The following QSOX2 variants were observed in gnomAD, a reference collection of about 807,000 sequenced individuals.
QSOX2 encodes quiescin sulfhydryl oxidase 2.
Under a neutral mutation model 61.7 loss-of-function variants are expected in QSOX2, and 46 were observed. That is an observed-to-expected ratio of 0.75 (90% CI 0.59 to 0.95). The LOEUF is 0.95. Among genes scored for constraint, QSOX2 ranks in the 40% least tolerant of loss-of-function variants. The probability of loss-of-function intolerance (pLI) is 0.00; values close to 1 mark genes in which losing one functional copy is unlikely to be tolerated. For missense variants in QSOX2, 879 were observed against 918.9 expected (o/e 0.96, Z 0.56); for synonymous variants, 383 against 388.4 (o/e 0.99, Z 0.16).
intron 3 of QSOX2, 54 bp downstream of exon 3, chr9:136,224,807 A>C: frequency 1.5e-6 from 2 of 1,295,586 alleles, no homozygotes; most frequent in Non-Finnish European, 2.2e-6. Flanking sequence ...GTGTGTCTTT[A>C]GCAGGTTTAT....
chr9:136,212,483 C>T (rs1042979133), intron 10 of QSOX2, among the ~76,000 whole-genome samples: 16 of 152,258 alleles, frequency 1.1e-4, no homozygotes, highest in Admixed American at 6.5e-5. Flanking sequence ...GCGTCCTGGT[C>T]GGTCCCAAAT....
At chr9:136,220,310 T>A (rs1336628317) in intron 6 of QSOX2, among the ~76,000 whole-genome samples, 1 of 152,238 alleles carries the variant, frequency 6.6e-6, no homozygotes, top group African/African-American at 2.4e-5. Context: ...ATTACAGGTG[T>A]GAGCCTGGCC....
At chr9:136,239,042 GGCCAT>G (rs1830413963) in intron 1 of QSOX2, among the ~76,000 whole-genome samples, 1 of 152,216 alleles carries the variant, frequency 6.6e-6, no homozygotes, top group Non-Finnish European at 1.5e-5. Context: ...CCTCTGTGCT[GGCCAT>G]GCCCCTGGCA....
chr9:136,245,291 C>A (rs1295743387), intron 1 of QSOX2, among the ~76,000 whole-genome samples, 185 bp downstream of exon 1: 4 of 152,198 alleles, frequency 2.6e-5, no homozygotes, highest in Non-Finnish European at 5.9e-5. Flanking sequence ...GGCTTAGTCT[C>A]CCGCCCCTGG....
At chr9:136,242,136 G>A (rs1830438108) in intron 1 of QSOX2, among the ~76,000 whole-genome samples, 1 of 152,238 alleles carries the variant, frequency 6.6e-6, no homozygotes, top group Non-Finnish European at 1.5e-5. Context: ...ACAAACACTA[G>A]AATGACACTT....
intron 11 of QSOX2, chr9:136,211,024 G>T: frequency 1.8e-6 from 1 of 560,100 alleles, no homozygotes. Flanking sequence ...CATTTCCACG[G>T]GGTCGAAGAG....
chr9:136,218,262 G>C (rs1249632990), intron 8 of QSOX2, among the ~76,000 whole-genome samples: 2 of 151,792 alleles, frequency 1.3e-5, no homozygotes, highest in African/African-American at 4.8e-5. Flanking sequence ...AACCTGGCTG[G>C]TGGGGCAGAT....
chr9:136,217,222 G>A (rs1268160895), intron 8 of QSOX2, among the ~76,000 whole-genome samples: 1 of 152,198 alleles, frequency 6.6e-6, no homozygotes, highest in East Asian at 1.9e-4. Flanking sequence ...TGGGCCGTGA[G>A]GCTGGCCGAC....
At position 136,215,228 on chromosome 9, in the gene QSOX2, G is replaced by C. The variant is rs747659197; in HGVS notation, c.1286C>G (p.Pro429Arg). ...QGSRSELRGYPCSLWKLFHTL... is the reference protein window; with the variant it reads ...QGSRSELRGYRCSLWKLFHTL... ...GTGGAACAGTTTCCAGAGAGAACAC[G>C]GGTAACCCCTCAACTCAGATCGGCT... The change falls in exon 10 of 12, where the codon CCG becomes CGG. Residue 429 changes from proline (P) to arginine (R), a missense_variant. By Grantham distance (103) the Pro-to-Arg change is moderately radical (BLOSUM62 -2). Coordinates refer to ENST00000358701, the MANE Select transcript of QSOX2 (RefSeq NM_181701.4). 1 of 1,613,952 alleles carries C rather than the reference G, an allele frequency of 6.2e-7. No homozygotes were observed. The highest frequency in any genetic ancestry group is 8.5e-7 in the Non-Finnish European group (1 of 1,180,022).
chr9:136,239,871 G>A lies in QSOX2; in HGVS notation c.328+5605C>T, dbSNP rs554220674. 2.6e-5 allele frequency among the ~76,000 whole-genome samples: 4 copies of A among 152,366 alleles called. No individual in the cohort carries two copies. The East Asian group carries it at 5.8e-4, about 22-fold the overall frequency. The stretch of plus-strand genomic sequence containing the variant: ...GCGCCAGGAGTACCGGCAAGGACTC[G>A]GCAGATGGACGGTATTCATGGCAAC... On this transcript the variant is annotated intron_variant, in intron 1 of 11. Coordinates refer to ENST00000358701, the MANE Select transcript of QSOX2 (RefSeq NM_181701.4).
intron 1 of QSOX2, among the ~76,000 whole-genome samples, chr9:136,236,685 A>G (rs1299285133): frequency 6.6e-6 from 1 of 150,762 alleles, no homozygotes; most frequent in Non-Finnish European, 1.5e-5. Context: ...TGTGCCAGCG[A>G]CACCTGAAGC....
chr9:136,214,143 GCA>G (rs1213371625), intron 10 of QSOX2, among the ~76,000 whole-genome samples: 2 of 152,172 alleles, frequency 1.3e-5, no homozygotes, highest in Admixed American at 6.5e-5. Context: ...CAACTGGGAA[GCA>G]CACACACAAC....
chr9:136,207,364 TACACACACAC>T lies in QSOX2; in HGVS notation c.*1354_*1363del, dbSNP rs58474709. 1.1e-3 allele frequency: 162 copies of T among 145,130 alleles called. 1 individual carries two copies. The highest frequency in any genetic ancestry group is 3.4e-3 in the South Asian group (15 of 4,434). The allele number at this position is 145,130 out of a possible 1,614,324, so 9.0% of individuals were successfully genotyped here. ...ACCGTCAAAGTCTCTCTCTCTCTCA[TACACACACAC>T]ACACACACACACACACACACACACA... On this transcript the variant is annotated 3_prime_UTR_variant, in exon 12 of 12. Coordinates refer to ENST00000358701, the MANE Select transcript of QSOX2 (RefSeq NM_181701.4).
chr9:136,226,256 G>A lies in QSOX2; in HGVS notation c.429+518C>T, dbSNP rs150326110. Among the ~76,000 whole-genome samples the A allele has an allele frequency of 3.4e-3, 512 of 152,310 alleles. 3 individuals are homozygous for A. Among genetic ancestry groups the A allele is most frequent in the Middle Eastern group, 0.014 (4 of 294 alleles). ...CCGCAGGTACACACATGCTATGCAC[G>A]GGCCTGCAACAGGGTCACAGGTACC... On this transcript the variant is annotated intron_variant, in intron 2 of 11. Coordinates refer to ENST00000358701, the MANE Select transcript of QSOX2 (RefSeq NM_181701.4).
intron 1 of QSOX2, among the ~76,000 whole-genome samples, chr9:136,234,215 G>A (rs111538933): frequency 8.2e-4 from 125 of 152,348 alleles, no homozygotes; most frequent in African/African-American, 2.3e-3. Flanking sequence ...TTCCTTTACT[G>A]TAAGAACACA....
rs1416592390 is a variant in QSOX2 at position 136,222,354 on chromosome 9, C to G, written c.676-413G>C. ...GCAGGCCTCGTGCTGCCGCTCCTCC[C>G]CAGCCACCCTGCTCCTGTCTGGTTC... On this transcript the variant is annotated intron_variant, in intron 5 of 11. Transcript: ENST00000358701. This position sits in a 1 kb window ranked among gnomAD's most constrained non-coding sequence, Gnocchi z 6.9. 6.6e-6 allele frequency among the ~76,000 whole-genome samples: 1 copy of G among 152,180 alleles called. No homozygotes were observed. Among genetic ancestry groups the G allele is most frequent in the Non-Finnish European group, 1.5e-5 (1 of 68,040 alleles).
rs1484723011 is a variant in QSOX2, at chr9:136,216,663, G to C, written c.1146C>G (p.Ala382=). The C allele has an allele frequency of 6.2e-7, 1 of 1,613,754 alleles. No individual in the cohort carries two copies. Among genetic ancestry groups the C allele is most frequent in the South Asian group, 1.1e-5 (1 of 91,080 alleles). Residue 382 remains alanine, a synonymous_variant, in exon 9 of 12, where the codon GCC becomes GCG. Transcript: ENST00000358701. The part of the protein sequence containing the change: ...KLLEMLQEWL[A]SLPLDRIPYN... ...AGGGGATCCTGTCCAGGGGAAGGCT[G>C]GCCAGCCACTCCTGCAGCATCTCCA...
rs1344685147 is a variant in QSOX2, at chr9:136,209,898, C to G, written c.1550-623G>C. ...GACATGTGCTCACTTCCAGGCCCAA[C>G]AGGCATCCGTCATGCAGAAGCTGCG... On this transcript the variant is annotated intron_variant, in intron 11 of 11. Transcript: ENST00000358701. This position sits in a 1 kb window ranked among gnomAD's most constrained non-coding sequence, Gnocchi z 5.6. 1.0e-6 allele frequency: 1 copy of G among 985,302 alleles called. No individual in the cohort carries two copies. Among genetic ancestry groups the G allele is most frequent in the Non-Finnish European group, 1.2e-6 (1 of 829,934 alleles). 61.0% of individuals were successfully genotyped at this position (985,302 alleles called of 1,614,324 possible). A position where few individuals can be genotyped will look rare whatever the true frequency, so the allele number is the denominator to read the frequency against.
intron 1 of QSOX2, among the ~76,000 whole-genome samples, chr9:136,227,524 T>C (rs1346138392): frequency 6.6e-6 from 1 of 152,202 alleles, no homozygotes; most frequent in Admixed American, 6.5e-5. Flanking sequence ...GAGATAAAAA[T>C]GTAACAAATC....
Sources: allele counts gnomAD v4.1 joint callset (sites outside exome capture counted in the v4.1 genomes callset), GRCh38; gene constraint gnomAD v4.1.1; non-coding constraint Gnocchi (gnomAD v3.1); transcripts MANE v1.5; gene names NCBI Gene and HGNC (gene_info 2026-07-23, HGNC 2026-07-21).